NAA16: variants seen among roughly 807,000 people sequenced by gnomAD.
NAA16 encodes the protein N-alpha-acetyltransferase 16, NatA auxiliary subunit, also known as NARG1-like protein.
A neutral mutation model predicts 110.3 loss-of-function variants in NAA16; 97 were observed. The ratio of observed to expected loss-of-function variants is 0.88; its 90% CI spans 0.75 to 1.04. NAA16 has a LOEUF of 1.04. Ranked by LOEUF, NAA16 falls within the 50% of genes least tolerant of loss-of-function variation. NAA16 has a pLI of 0.00. For missense variants in NAA16, 1,017 were observed against 1,005.1 expected (o/e 1.01, Z -0.16); for synonymous variants, 372 against 330.6 (o/e 1.13, Z -1.36).
chr13:41,370,881 A>G (rs1463352006), intron 15 of NAA16, among the ~76,000 whole-genome samples: 1 of 152,244 alleles, frequency 6.6e-6, no homozygotes, highest in East Asian at 1.9e-4. Context: ...GAACATTATG[A>G]AAGTCTGGAA....
At chr13:41,374,697 T>G in intron 18 of NAA16, 45 bp from the exon 19 acceptor site, 1 of 1,241,362 alleles carries the variant, frequency 8.1e-7, no homozygotes. Flanking sequence ...ACATAAAATG[T>G]AAAGTATAGG....
At chr13:41,335,299 A>G (rs963640687) in intron 8 of NAA16, among the ~76,000 whole-genome samples, 2 of 152,208 alleles carry the variant, frequency 1.3e-5, no homozygotes, top group Admixed American at 6.5e-5. Context: ...TTTGAGCCAT[A>G]CAAATGTACT....
intron 17 of NAA16, chr13:41,373,066 T>C (rs1330235876): frequency 1.2e-6 from 1 of 841,132 alleles, no homozygotes; most frequent in Non-Finnish European, 1.4e-6. Flanking sequence ...TTAAAGAGAT[T>C]TGCAATAACG....
chr13:41,359,071 T>C, intron 12 of NAA16, 109 bp downstream of exon 12: 1 of 934,046 alleles, frequency 1.1e-6, no homozygotes, highest in Non-Finnish European at 1.5e-6. Flanking sequence ...TCATAAAAAT[T>C]CATTTTTATT....
chr13:41,342,150 T>G (rs2042568115), intron 9 of NAA16, among the ~76,000 whole-genome samples: 1 of 150,224 alleles, frequency 6.7e-6, no homozygotes, highest in Admixed American at 6.7e-5. Flanking sequence ...TCTCTTTTTT[T>G]TTTTTGAGAC....
chr13:41,323,323 C>T, intron 5 of NAA16, 133 bp downstream of exon 5: 10 of 816,164 alleles, frequency 1.2e-5, no homozygotes, highest in Non-Finnish European at 1.7e-5. Context: ...TAATTGGAAA[C>T]AGTTAAAATG....
rs1038899984 is a variant in NAA16 at position 41,376,370 on chromosome 13, G to T, written c.*768G>T. The T allele has an allele frequency of 6.6e-6, 1 of 152,086 alleles. No individual in the cohort carries two copies. Among genetic ancestry groups the T allele is most frequent in the Non-Finnish European group, 1.5e-5 (1 of 68,006 alleles). 9.4% of individuals were successfully genotyped at this position (152,086 alleles called of 1,614,324 possible). On this transcript the variant is annotated 3_prime_UTR_variant, in exon 20 of 20. Transcript: ENST00000379406. ...CCTTTTTTCATTGTAATATTTCATG[G>T]TTTACTATTTCCTTTTAGTATTCAT...
At chr13:41,362,784 A>T in intron 13 of NAA16, 1 of 1,289,794 alleles carries the variant, frequency 7.8e-7, no homozygotes, top group Non-Finnish European at 1.0e-6. Context: ...TGCACCCCTG[A>T]GGCAGTCCTC....
At position 41,362,993 on chromosome 13, in the gene NAA16, G is replaced by C. The variant is rs1291339283; in HGVS notation, c.1539+834G>C. 14 of 662,678 alleles carry C rather than the reference G, an allele frequency of 2.1e-5. No individual in the cohort carries two copies. In the Admixed American group the frequency reaches 4.9e-4, roughly 23 times the overall value. The allele number at this position is 662,678 out of a possible 1,614,324, so 41.0% of individuals were successfully genotyped here. On this transcript the variant is annotated intron_variant, in intron 13 of 19. Transcript: ENST00000379406. Reference sequence around the variant, plus strand: ...TGGCTTTTGATGGGGACTGGAACTAGAATTATACCCAAGCATTTTTAGAAA... The same window carrying C: ...TGGCTTTTGATGGGGACTGGAACTACAATTATACCCAAGCATTTTTAGAAA...
chr13:41,353,104 G>A (rs1184847504), intron 9 of NAA16, among the ~76,000 whole-genome samples: 2 of 104,586 alleles, frequency 1.9e-5, no homozygotes, highest in East Asian at 7.2e-4. Flanking sequence ...GACAGAGCGA[G>A]ACTCCATCTC....
chr13:41,334,208 G>C (rs1028881437), intron 8 of NAA16, among the ~76,000 whole-genome samples: 1 of 152,126 alleles, frequency 6.6e-6, no homozygotes, highest in Admixed American at 6.5e-5. Flanking sequence ...AATGCAAGGT[G>C]AAAGTTTTGA....
intron 8 of NAA16, 53 bp downstream of exon 8, chr13:41,331,422 G>T: frequency 7.9e-7 from 1 of 1,271,956 alleles, no homozygotes; most frequent in Non-Finnish European, 1.1e-6. Context: ...ATTACTCAAT[G>T]TTATTTATAT....
At chr13:41,367,177 TG>T (rs2043222651) in intron 13 of NAA16, among the ~76,000 whole-genome samples, 1 of 152,214 alleles carries the variant, frequency 6.6e-6, no homozygotes, top group African/African-American at 2.4e-5. Context: ...AAAAATAACC[TG>T]ATCTTTTGAC....
At chr13:41,326,969 C>T (rs1348391086) in intron 6 of NAA16, among the ~76,000 whole-genome samples, 1 of 152,156 alleles carries the variant, frequency 6.6e-6, no homozygotes, top group Non-Finnish European at 1.5e-5. Context: ...GATCTTTTTA[C>T]CCTCTACATA....
chr13:41,374,630 G>C (rs2043392079), intron 18 of NAA16, 112 bp from the exon 19 acceptor site: 1 of 683,368 alleles, frequency 1.5e-6, no homozygotes, highest in Non-Finnish European at 2.5e-6. Flanking sequence ...GCCAGCTCCA[G>C]CTTACCACTG....
intron 8 of NAA16, among the ~76,000 whole-genome samples, chr13:41,335,782 G>T (rs2042364123): frequency 6.6e-6 from 1 of 151,572 alleles, no homozygotes; most frequent in South Asian, 2.1e-4. Flanking sequence ...GTTGTGCAGT[G>T]TTGTGATTCA....
intron 12 of NAA16, among the ~76,000 whole-genome samples, chr13:41,360,494 G>C (rs2043090374): frequency 6.6e-6 from 1 of 152,194 alleles, no homozygotes; most frequent in Non-Finnish European, 1.5e-5. Context: ...AGGCACAGGA[G>C]AATGAGAAAG....
intron 5 of NAA16, among the ~76,000 whole-genome samples, chr13:41,325,282 A>T (rs547651505): frequency 1.3e-4 from 2 of 15,352 alleles, no homozygotes; most frequent in Admixed American, 6.6e-4. Flanking sequence ...CTGGGAAACC[A>T]TAAAATTGTG....
rs777765635 is a variant in NAA16 at position 41,376,652 on chromosome 13, T to G, written c.*1050T>G. ...GCAGAAAACAAATTAAAATGAAATG[T>G]TGTTGTTATAGCCATGCATTGACCA... is the stretch of plus-strand genomic sequence containing the variant. On this transcript the variant is annotated 3_prime_UTR_variant, in exon 20 of 20. Coordinates refer to ENST00000379406, the MANE Select transcript of NAA16 (RefSeq NM_024561.5). 1 of 151,442 alleles carries G rather than the reference T, an allele frequency of 6.6e-6. No homozygotes were observed. Among genetic ancestry groups the G allele is most frequent in the African/African-American group, 2.4e-5 (1 of 41,360 alleles). The allele number at this position is 151,442 out of a possible 1,614,324, so 9.4% of individuals were successfully genotyped here.
Sources: gnomAD v4.1 joint callset for allele counts (sites outside exome capture counted in the v4.1 genomes callset) on GRCh38, gnomAD v4.1.1 for gene constraint, MANE v1.5 for transcripts, NCBI Gene and HGNC (gene_info 2026-07-23, HGNC 2026-07-21) for gene names.